LONRF2: variants seen among roughly 807,000 people sequenced by gnomAD.
LONRF2 encodes LON peptidase N-terminal domain and RING finger protein 2.
LONRF2 carries 35 observed loss-of-function variants against 66.6 expected under a neutral mutation model. That is an observed-to-expected ratio of 0.53 (90% CI 0.40 to 0.70). The LOEUF (loss-of-function observed/expected upper bound fraction) is 0.70. Among genes scored for constraint, LONRF2 ranks in the 30% least tolerant of loss-of-function variants. The probability of loss-of-function intolerance (pLI) is 0.00; values close to 1 mark genes in which losing one functional copy is unlikely to be tolerated. For synonymous variants in LONRF2, 417 were observed against 418.1 expected (o/e 1.00, Z 0.03); for missense variants, 902 against 1,002.1 (o/e 0.90, Z 1.35).
At chr2:100,301,856 A>T (rs1355274970) in intron 3 of LONRF2, among the ~76,000 whole-genome samples, 1 of 152,244 alleles carries the variant, frequency 6.6e-6, no homozygotes, top group African/African-American at 2.4e-5. Flanking sequence ...AGGACAAAGC[A>T]GGCAGGGATA....
chr2:100,304,790 A>ATTTTTT (rs3039614), intron 2 of LONRF2, among the ~76,000 whole-genome samples: 32 of 113,188 alleles, frequency 2.8e-4, no homozygotes, highest in Admixed American at 2.5e-3. Context: ...TGCCTGGCTA[A>ATTTTTT]TTTTTTTTTT....
intron 3 of LONRF2, among the ~76,000 whole-genome samples, chr2:100,301,672 G>T (rs940105600): frequency 1.3e-5 from 2 of 152,214 alleles, no homozygotes; most frequent in Non-Finnish European, 2.9e-5. Context: ...ATGTCCAGGG[G>T]AAAACACCAT....
chr2:100,289,253 T>C (rs992441919), intron 10 of LONRF2, among the ~76,000 whole-genome samples: 26 of 152,252 alleles, frequency 1.7e-4, no homozygotes, highest in Admixed American at 9.2e-4. Context: ...GCTTTTGCAC[T>C]ACAAGGGCAG....
rs1012739380 is a variant in LONRF2, at chr2:100,280,309, G to A, written c.*3989C>T. 1 of 152,142 alleles carries A rather than the reference G, an allele frequency of 6.6e-6. No individual in the cohort carries two copies. Among genetic ancestry groups the A allele is most frequent in the South Asian group, 2.1e-4 (1 of 4,828 alleles). The allele number at this position is 152,142 out of a possible 1,614,324, so 9.4% of individuals were successfully genotyped here. ...GGGGGTGATGCTGGCAAAGGGGTTC[G>A]GTTATCTCCCTGTGTGGGCGATGGC... On this transcript the variant is annotated 3_prime_UTR_variant, in exon 12 of 12. Transcript: ENST00000393437.
chr2:100,287,174 T>C, intron 10 of LONRF2, 111 bp from the exon 11 acceptor site: 1 of 1,049,864 alleles, frequency 9.5e-7, no homozygotes, highest in Non-Finnish European at 1.3e-6. Flanking sequence ...AGCATTTTAA[T>C]AATTCATCAG....
intron 10 of LONRF2, among the ~76,000 whole-genome samples, chr2:100,287,734 C>T (rs999577895): frequency 6.6e-6 from 1 of 152,166 alleles, no homozygotes; most frequent in Non-Finnish European, 1.5e-5. Flanking sequence ...ACGCCTCAGT[C>T]CTGTTCAGGA....
rs187366326 is a variant in LONRF2, at chr2:100,318,438, A to G, written c.679+2977T>C. Among the ~76,000 whole-genome samples, 474 of 152,320 alleles carry G rather than the reference A, an allele frequency of 3.1e-3. 4 individuals are homozygous for G. The highest frequency in any genetic ancestry group is 5.3e-3 in the Non-Finnish European group (359 of 68,034). On this transcript the variant is annotated intron_variant, in intron 1 of 11. Transcript: ENST00000393437. Reference sequence around the variant, plus strand: ...AGTCACATGGCTCCACCTAATCACAAGTGGAGCGGGAAGTGCAATCCTACC... The same window carrying G: ...AGTCACATGGCTCCACCTAATCACAGGTGGAGCGGGAAGTGCAATCCTACC...
rs1674612563 is a variant in LONRF2 at position 100,276,933 on chromosome 2, C to T, written c.*7365G>A. 4 of 152,260 alleles carry T rather than the reference C, an allele frequency of 2.6e-5. No individual in the cohort carries two copies. The highest frequency in any genetic ancestry group is 1.3e-4 in the Admixed American group (2 of 15,292). 9.4% of individuals were successfully genotyped at this position (152,260 alleles called of 1,614,324 possible). A position where few individuals can be genotyped will look rare whatever the true frequency, so the allele number is the denominator to read the frequency against. On this transcript the variant is annotated 3_prime_UTR_variant, in exon 12 of 12. Transcript: ENST00000393437. ...ATGTCTGCAGACAGGGTCTTCACCA[C>T]ATCCGCCTTCTCCAGGAGCACAAAT...
intron 2 of LONRF2, among the ~76,000 whole-genome samples, chr2:100,306,399 CA>C: frequency 6.6e-6 from 1 of 152,160 alleles, no homozygotes; most frequent in Non-Finnish European, 1.5e-5. Flanking sequence ...TACATGTGCA[CA>C]GAATCTCAAT....
chr2:100,288,774 G>C (rs1490600128), intron 10 of LONRF2, among the ~76,000 whole-genome samples: 1 of 152,218 alleles, frequency 6.6e-6, no homozygotes. Context: ...ATGTCTGTGA[G>C]AGTCATCCAT....
chr2:100,299,707 G>A lies in LONRF2; in HGVS notation c.1267+10C>T. On this transcript the variant is annotated intron_variant, in intron 5 of 11. Transcript: ENST00000393437. Reference sequence around the variant, plus strand: ...GTCACAGAACTGCCTGATGAAAACAGTTCACTGACCTTTCTTGGGAATTTT... The same window carrying A: ...GTCACAGAACTGCCTGATGAAAACAATTCACTGACCTTTCTTGGGAATTTT... 6.2e-7 allele frequency: 1 copy of A among 1,612,672 alleles called. No homozygotes were observed. Among genetic ancestry groups the A allele is most frequent in the Non-Finnish European group, 8.5e-7 (1 of 1,178,934 alleles).
intron 2 of LONRF2, among the ~76,000 whole-genome samples, chr2:100,308,179 C>T (rs1487130819): frequency 6.6e-6 from 1 of 151,848 alleles, no homozygotes; most frequent in Non-Finnish European, 1.5e-5. Flanking sequence ...ACCATCCTGG[C>T]TAACACAGTG....
rs1674749633 is a variant in LONRF2, at chr2:100,281,974, T to C, written c.*2324A>G. On this transcript the variant is annotated 3_prime_UTR_variant, in exon 12 of 12. Coordinates refer to ENST00000393437, the MANE Select transcript of LONRF2 (RefSeq NM_198461.4). ...CTGACCCGGTTCCTGATGCGTGATG[T>C]TTCTAAGTGCTCAGTAAGTACCAAT... 6.6e-6 allele frequency: 1 copy of C among 152,020 alleles called. No homozygotes were observed. Among genetic ancestry groups the C allele is most frequent in the African/African-American group, 2.4e-5 (1 of 41,386 alleles). 9.4% of individuals were successfully genotyped at this position (152,020 alleles called of 1,614,324 possible).
chr2:100,291,564 C>T (rs567163072), intron 9 of LONRF2, among the ~76,000 whole-genome samples: 286 of 152,176 alleles, frequency 1.9e-3, no homozygotes, highest in Non-Finnish European at 3.6e-3. Flanking sequence ...CATATCCTAC[C>T]GTTCCATTAA....
Position 100,294,242 on chromosome 2 carries a change from C to T in LONRF2, c.1744G>A (p.Ala582Thr). Reference protein sequence around the residue: ...GTKRFGMCLSAEHAGLSEYGC... With the variant: ...GTKRFGMCLSTEHAGLSEYGC... ...AACAGTTCTTACCCCGCGTGCTCAGCAGATAAACACATGCCAAACCGCTTG... is the reference window on the plus strand; with the variant it reads ...AACAGTTCTTACCCCGCGTGCTCAGTAGATAAACACATGCCAAACCGCTTG... The change falls in exon 9 of 12, where the codon GCT becomes ACT. Residue 582 changes from alanine to threonine, a missense_variant. Coordinates refer to ENST00000393437, the MANE Select transcript of LONRF2 (RefSeq NM_198461.4). 1 of 1,604,218 alleles carries T rather than the reference C, an allele frequency of 6.2e-7. No individual in the cohort carries two copies. The highest frequency in any genetic ancestry group is 1.1e-5 in the South Asian group (1 of 89,138).
intron 10 of LONRF2, among the ~76,000 whole-genome samples, chr2:100,287,598 G>A (rs2105715051): frequency 6.6e-6 from 1 of 152,230 alleles, no homozygotes; most frequent in South Asian, 2.1e-4. Context: ...GGCACGACAG[G>A]GCAAGACTAC....
rs1007204473 is a variant in LONRF2 at position 100,272,355 on chromosome 2, C to T, written c.*11943G>A. On this transcript the variant is annotated 3_prime_UTR_variant, in exon 12 of 12. Coordinates refer to ENST00000393437, the MANE Select transcript of LONRF2 (RefSeq NM_198461.4). The stretch of plus-strand genomic sequence containing the variant: ...CTCCATAGAAAGTAAAAAAATTAGC[C>T]GGGTATAGCGGCATGCACCTGTGGT... Among the ~76,000 whole-genome samples, 8 of 151,934 alleles carry T rather than the reference C, an allele frequency of 5.3e-5. No homozygotes were observed. The highest frequency in any genetic ancestry group is 1.9e-4 in the African/African-American group (8 of 41,370).
rs548585107 is a variant in LONRF2, at chr2:100,282,335, G to A, written c.*1963C>T. On this transcript the variant is annotated 3_prime_UTR_variant, in exon 12 of 12. Coordinates refer to ENST00000393437, the MANE Select transcript of LONRF2 (RefSeq NM_198461.4). ...GCTTTACTTCAGGAAGGCTCGTGGAGAAGCTGTGATCACATTGTGGTTATT... is the reference window on the plus strand; with the variant it reads ...GCTTTACTTCAGGAAGGCTCGTGGAAAAGCTGTGATCACATTGTGGTTATT... 1.3e-5 allele frequency: 2 copies of A among 152,316 alleles called. No individual in the cohort carries two copies. The highest frequency in any genetic ancestry group is 6.5e-5 in the Admixed American group (1 of 15,296). 9.4% of individuals were successfully genotyped at this position (152,316 alleles called of 1,614,324 possible).
intron 4 of LONRF2, 84 bp downstream of exon 4, chr2:100,300,560 G>A: frequency 7.5e-7 from 1 of 1,332,618 alleles, no homozygotes; most frequent in East Asian, 2.4e-5. Flanking sequence ...GCCATAATGT[G>A]TGAATAATCT....
Sources: allele counts gnomAD v4.1 joint callset (sites outside exome capture counted in the v4.1 genomes callset), GRCh38; gene constraint gnomAD v4.1.1; transcripts MANE v1.5; gene names NCBI Gene and HGNC (gene_info 2026-07-23, HGNC 2026-07-21).